The following MTMR12 variants were observed in gnomAD, a reference collection of about 807,000 sequenced individuals.
MTMR12 encodes the protein myotubularin related protein 12.
Under a neutral mutation model 96.7 loss-of-function variants are expected in MTMR12, and 33 were observed. That is an observed-to-expected ratio of 0.34 (90% confidence interval 0.26 to 0.46). The LOEUF is 0.46. MTMR12 is among the 20% of genes least tolerant of loss of function. The pLI, the probability that MTMR12 is intolerant of heterozygous loss-of-function variation, is 1.00. For missense variants in MTMR12, 721 were observed against 896.1 expected (o/e 0.80, Z 2.49); for synonymous variants, 298 against 327.2 (o/e 0.91, Z 0.96).
At position 32,228,902 on chromosome 5, in the gene MTMR12, T is replaced by C. The variant is rs1747877909; in HGVS notation, c.*876A>G. Reference sequence around the variant, plus strand: ...GTGCTCCAAAGCTTCAGCAGGCAAGTAGAAAAAGGCGAAGCGATTTGTTCC... The same window carrying C: ...GTGCTCCAAAGCTTCAGCAGGCAAGCAGAAAAAGGCGAAGCGATTTGTTCC... On this transcript the variant is annotated 3_prime_UTR_variant, in exon 16 of 16. Transcript: ENST00000382142. 6.6e-6 allele frequency: 1 copy of C among 151,648 alleles called. No individual in the cohort carries two copies. Among genetic ancestry groups the C allele is most frequent in the Non-Finnish European group, 1.5e-5 (1 of 67,982 alleles). The allele number at this position is 151,648 out of a possible 1,614,324, so 9.4% of individuals were successfully genotyped here.
At chr5:32,230,450 A>C in intron 15 of MTMR12, 103 bp from the exon 16 acceptor site, 1 of 1,125,066 alleles carries the variant, frequency 8.9e-7, no homozygotes. Flanking sequence ...AACAAGTTCC[A>C]AGAGACATCA....
chr5:32,238,900 A>G lies in MTMR12; in HGVS notation c.1344+101T>C, dbSNP rs1364776668. The G allele has an allele frequency of 3.9e-5, 51 of 1,292,766 alleles. No homozygotes were observed. The Middle Eastern group carries it at 6.2e-4, about 16-fold the overall frequency. 80.1% of individuals were successfully genotyped at this position (1,292,766 alleles called of 1,614,324 possible). ...TTCTTAACAAACCTGTTTGGCTTACACTTTGCAAGCAGCAATCCTACTACA... is the reference window on the plus strand; with the variant it reads ...TTCTTAACAAACCTGTTTGGCTTACGCTTTGCAAGCAGCAATCCTACTACA... On this transcript the variant is annotated intron_variant, in intron 13 of 15. Transcript: ENST00000382142.
rs1748162785 is a variant in MTMR12, at chr5:32,235,109, G to A, written c.1365C>T (p.Phe455=). Residue 455 remains phenylalanine, a synonymous_variant, in exon 14 of 16, where the codon TTC becomes TTT. Coordinates refer to ENST00000382142, the MANE Select transcript of MTMR12 (RefSeq NM_001040446.3). The part of the protein sequence containing the change: ...DKEEVPVFLL[F]LDCVWQLVHQ... The stretch of plus-strand genomic sequence containing the variant: ...GCACCAGCTGCCAGACACAATCTAG[G>A]AAAAGCAGGAACACAGGAACCTGCA... 6.2e-7 allele frequency: 1 copy of A among 1,613,420 alleles called. No homozygotes were observed. Among genetic ancestry groups the A allele is most frequent in the Non-Finnish European group, 8.5e-7 (1 of 1,179,824 alleles).
chr5:32,256,612 G>A (rs953965367), intron 7 of MTMR12, among the ~76,000 whole-genome samples: 1 of 152,224 alleles, frequency 6.6e-6, no homozygotes, highest in African/African-American at 2.4e-5. Flanking sequence ...AACTGCCTAA[G>A]TTTCTATCAC....
Position 32,233,869 on chromosome 5 carries a change from C to T in MTMR12, c.1578G>A (p.Val526=). 1.2e-6 allele frequency: 2 copies of T among 1,614,172 alleles called. No individual in the cohort carries two copies. Among genetic ancestry groups the T allele is most frequent in the East Asian group, 2.2e-5 (1 of 44,878 alleles). The change falls in exon 15 of 16, where the codon GTG becomes GTA. Residue 526 remains valine (V), a synonymous_variant. Coordinates refer to ENST00000382142, the MANE Select transcript of MTMR12 (RefSeq NM_001040446.3). The surrounding 1 kb of genome is among the most constrained non-coding windows in gnomAD (Gnocchi z 5.0). ...LNLLTVWDWS[V]QFEPKAQTLL... is the part of the protein sequence containing the mutation. ...ATGTCTGGGCTTTGGGTTCAAACTG[C>T]ACCGACCAATCCCACACGGTGAGCA...
At position 32,312,553 on chromosome 5, in the gene MTMR12, C is replaced by G. The variant is rs1023651045; in HGVS notation, c.81+205G>C. Among the ~76,000 whole-genome samples, 1 of 152,136 alleles carries G rather than the reference C, an allele frequency of 6.6e-6. No homozygotes were observed. The highest frequency in any genetic ancestry group is 2.4e-5 in the African/African-American group (1 of 41,440). ...AGCGCTCGGGCCCTGCGCTCAGGCA[C>G]CTGCCTGCCTGCGCCGGGGTCCCCA... is the stretch of plus-strand genomic sequence containing the variant. On this transcript the variant is annotated intron_variant, in intron 1 of 15. Coordinates refer to ENST00000382142, the MANE Select transcript of MTMR12 (RefSeq NM_001040446.3). The surrounding 1 kb of genome is among the most constrained non-coding windows in gnomAD (Gnocchi z 5.0).
In MTMR12 at chr5:32,256,085, C is replaced by T. The variant is rs147166026; in HGVS notation, c.714-317G>A. ...AGGAAAATATGATACCTAAAAGCAT[C>T]GAATTCTGAAATTGGGAGTATTGTT... On this transcript the variant is annotated intron_variant, in intron 7 of 15. Coordinates refer to ENST00000382142, the MANE Select transcript of MTMR12 (RefSeq NM_001040446.3). The T allele has an allele frequency of 1.6e-3, 301 of 184,894 alleles. 1 individual carries two copies. Among genetic ancestry groups the T allele is most frequent in the African/African-American group, 5.9e-3 (250 of 42,646 alleles). The allele number at this position is 184,894 out of a possible 1,614,324, so 11.5% of individuals were successfully genotyped here. A position where few individuals can be genotyped will look rare whatever the true frequency, so the allele number is the denominator to read the frequency against.
chr5:32,312,834 A>G lies in MTMR12; in HGVS notation c.5T>C (p.Leu2Pro). The G allele has an allele frequency of 6.5e-7, 1 of 1,527,974 alleles. No individual in the cohort carries two copies. The highest frequency in any genetic ancestry group is 8.8e-7 in the Non-Finnish European group (1 of 1,141,144). The allele number at this position is 1,527,974 out of a possible 1,614,324, so 94.7% of individuals were successfully genotyped here. A position where few individuals can be genotyped will look rare whatever the true frequency, so the allele number is the denominator to read the frequency against. M[L>P]GKGVVGGGGG... ...GCCACCGCCGACTACTCCTTTCCCC[A>G]GCATACCGCCGCCCTGGGAAGCAGC... The change falls in exon 1 of 16, where the codon CTG (leucine) becomes CCG (proline). Residue 2 changes from leucine (L) to proline (P), a missense_variant. Transcript: ENST00000382142. The surrounding 1 kb of genome is among the most constrained non-coding windows in gnomAD (Gnocchi z 5.0).
At chr5:32,271,969 G>A (rs1749853639) in intron 3 of MTMR12, 64 bp from the exon 4 acceptor site, 3 of 998,372 alleles carry the variant, frequency 3.0e-6, no homozygotes, top group African/African-American at 3.4e-5. Flanking sequence ...TATAGGCAGA[G>A]TAAATCACCA....
In MTMR12 at chr5:32,312,663, G is replaced by T; in HGVS notation, c.81+95C>A. ...GTCGCCCGGCACAAGGGCAGGAAGC[G>T]CTCCGCGGCGCTCCCCGCTGCAAGG... On this transcript the variant is annotated intron_variant, in intron 1 of 15. Coordinates refer to ENST00000382142, the MANE Select transcript of MTMR12 (RefSeq NM_001040446.3). This position sits in a 1 kb window ranked among gnomAD's most constrained non-coding sequence, Gnocchi z 5.0. The T allele has an allele frequency of 1.7e-6, 2 of 1,157,904 alleles. No individual in the cohort carries two copies. Among genetic ancestry groups the T allele is most frequent in the Non-Finnish European group, 2.2e-6 (2 of 905,314 alleles). The allele number at this position is 1,157,904 out of a possible 1,614,324, so 71.7% of individuals were successfully genotyped here.
intron 8 of MTMR12, among the ~76,000 whole-genome samples, chr5:32,252,101 T>C (rs971034993): frequency 1.3e-5 from 2 of 152,202 alleles, no homozygotes; most frequent in African/African-American, 4.8e-5. Context: ...AATATTCATT[T>C]GTCCCAGAGG....
At chr5:32,244,186 G>A (rs1748584093) in intron 10 of MTMR12, among the ~76,000 whole-genome samples, 1 of 151,928 alleles carries the variant, frequency 6.6e-6, no homozygotes, top group Non-Finnish European at 1.5e-5. Flanking sequence ...CCCAGAAGCA[G>A]GAAGATCACT....
At chr5:32,273,643 C>T (rs544617345) in intron 3 of MTMR12, among the ~76,000 whole-genome samples, 3 of 152,026 alleles carry the variant, frequency 2.0e-5, no homozygotes, top group South Asian at 2.1e-4. Flanking sequence ...AATTTCTTAA[C>T]GGTCCTGCCA....
In MTMR12 at chr5:32,271,835, C is replaced by T. The variant is rs772745737; in HGVS notation, c.356G>A (p.Gly119Glu). Residue 119 changes from glycine (G) to glutamate (E), a missense_variant and splice_region_variant, in exon 4 of 16, where the codon GGA (glycine) becomes GAA (glutamate). Transcript: ENST00000382142. ...ITLHCVDQIY[G>E]VFDEKKKTLF... ...CCCAGGGAAAAACAGATACTTACCT[C>T]CATAAATCTGATCAACACAGTGGAG... 1 of 1,564,412 alleles carries T rather than the reference C, an allele frequency of 6.4e-7. No homozygotes were observed. The highest frequency in any genetic ancestry group is 1.2e-5 in the South Asian group (1 of 85,850).
intron 1 of MTMR12, among the ~76,000 whole-genome samples, chr5:32,286,943 C>G (rs769234105): frequency 3.7e-4 from 57 of 152,264 alleles, no homozygotes; most frequent in African/African-American, 1.3e-3. Flanking sequence ...CAGGAATGAA[C>G]ACAACACACA....
At chr5:32,283,504 G>C (rs1475049011) in intron 1 of MTMR12, among the ~76,000 whole-genome samples, 3 of 152,164 alleles carry the variant, frequency 2.0e-5, no homozygotes, top group Non-Finnish European at 4.4e-5. Flanking sequence ...TACAGATGAA[G>C]ACACCCTGCT....
At chr5:32,269,026 T>C (rs1749723125) in intron 5 of MTMR12, among the ~76,000 whole-genome samples, 2 of 151,210 alleles carry the variant, frequency 1.3e-5, no homozygotes, top group Non-Finnish European at 2.9e-5. Context: ...ATTTTTATTA[T>C]TTTTAACTTT....
At chr5:32,275,497 T>C (rs576311923) in intron 2 of MTMR12, among the ~76,000 whole-genome samples, 1 of 152,344 alleles carries the variant, frequency 6.6e-6, no homozygotes, top group South Asian at 2.1e-4. Flanking sequence ...GAAATTAGCA[T>C]GCACTAGCTA....
At chr5:32,280,536 TA>T (rs1334654427) in intron 1 of MTMR12, among the ~76,000 whole-genome samples, 1 of 152,228 alleles carries the variant, frequency 6.6e-6, no homozygotes, top group Non-Finnish European at 1.5e-5. Context: ...ACATATTAGG[TA>T]GGTATCCATG....
Sources: gnomAD v4.1 joint callset for allele counts (sites outside exome capture counted in the v4.1 genomes callset) on GRCh38, gnomAD v4.1.1 for gene constraint, Gnocchi (gnomAD v3.1) non-coding constraint, MANE v1.5 for transcripts, NCBI Gene and HGNC (gene_info 2026-07-23, HGNC 2026-07-21) for gene names.